ITPR1: variants seen among roughly 807,000 people sequenced by gnomAD.
The protein encoded by ITPR1 is inositol 1,4,5-trisphosphate-gated calcium channel ITPR1.
In ITPR1, 96 loss-of-function variants were observed where a neutral mutation model predicts 318.4. That is an observed-to-expected ratio of 0.30 (90% CI 0.26 to 0.36). ITPR1 has a LOEUF of 0.36. Ranked by LOEUF, ITPR1 falls within the 10% of genes least tolerant of loss-of-function variation. ITPR1 has a pLI of 1.00. For synonymous variants in ITPR1, 1,312 were observed against 1,289.9 expected, an observed-to-expected ratio of 1.02 and a Z score of -0.37; for missense variants, 2,440 against 3,460.2, an observed-to-expected ratio of 0.71 and a Z score of 7.40.
intron 10 of ITPR1, among the ~76,000 whole-genome samples, chr3:4,648,472 T>C (rs1349024703): frequency 6.6e-6 from 1 of 152,224 alleles, no homozygotes; most frequent in African/African-American, 2.4e-5. Context: ...GCTAATTAAA[T>C]ACGCTGGGTA....
chr3:4,625,539 A>T (rs1433515755), intron 4 of ITPR1, among the ~76,000 whole-genome samples: 1 of 151,868 alleles, frequency 6.6e-6, no homozygotes, highest in Non-Finnish European at 1.5e-5. Flanking sequence ...ATCAGTATCC[A>T]CTTCAAGTTC....
chr3:4,611,504 G>A (rs1421333995), intron 4 of ITPR1, among the ~76,000 whole-genome samples: 1 of 151,736 alleles, frequency 6.6e-6, no homozygotes, highest in Admixed American at 6.6e-5. Flanking sequence ...AGGTTGCAGT[G>A]AGCCGAGATC....
intron 2 of ITPR1, among the ~76,000 whole-genome samples, chr3:4,495,923 G>T (rs562866227): frequency 6.6e-5 from 10 of 152,238 alleles, no homozygotes; most frequent in Admixed American, 5.9e-4. Flanking sequence ...TCCCACCAAT[G>T]ATGAAATAAT....
At chr3:4,541,660 T>C (rs2084458286) in intron 4 of ITPR1, among the ~76,000 whole-genome samples, 1 of 151,986 alleles carries the variant, frequency 6.6e-6, no homozygotes, top group Admixed American at 6.6e-5. Flanking sequence ...GGAGTCTCAC[T>C]CTGTTGCCAG....
At chr3:4,719,711 C>T (rs749210127) in intron 40 of ITPR1, among the ~76,000 whole-genome samples, 4 of 152,344 alleles carry the variant, frequency 2.6e-5, no homozygotes, top group Admixed American at 6.5e-5. Flanking sequence ...CCTGTCAGTG[C>T]TCTGAGAAAA....
At chr3:4,494,273 C>T (rs2080379348) in intron 1 of ITPR1, among the ~76,000 whole-genome samples, 158 bp from the exon 2 acceptor site, 1 of 152,264 alleles carries the variant, frequency 6.6e-6, no homozygotes, top group South Asian at 2.1e-4. Flanking sequence ...AATCTTCGCC[C>T]AAGCGATCCC....
chr3:4,802,075 T>C (rs944993649), intron 54 of ITPR1, among the ~76,000 whole-genome samples: 12 of 152,048 alleles, frequency 7.9e-5, no homozygotes, highest in African/African-American at 2.9e-4. Flanking sequence ...TTGATAAATA[T>C]GAGGTGAAAA....
Position 4,706,295 on chromosome 3 carries a change from A to G in ITPR1, c.4786A>G (p.Arg1596Gly), listed in dbSNP as rs2094755659. The change falls in exon 37 of 62, where the codon AGG (arginine) becomes GGG (glycine). Residue 1596 changes from arginine to glycine, a missense_variant. Physicochemically the swap from Arg to Gly is moderately radical, Grantham distance 125. Coordinates refer to ENST00000649015, the MANE Select transcript of ITPR1 (RefSeq NM_001378452.1). ...WRLSARNAAR[R>G]DSVLAASRDY... is the part of the protein sequence containing the mutation. ...GCTCTCAGCCCGCAATGCCGCACGC[A>G]GGGACTCTGTTCTGGCAGCTTCCAG... 1 of 1,614,024 alleles carries G rather than the reference A, an allele frequency of 6.2e-7. No individual in the cohort carries two copies. The highest frequency in any genetic ancestry group is 8.5e-7 in the Non-Finnish European group (1 of 1,179,876).
intron 2 of ITPR1, among the ~76,000 whole-genome samples, chr3:4,496,130 G>A (rs1441860812): frequency 6.6e-6 from 1 of 152,164 alleles, no homozygotes; most frequent in Non-Finnish European, 1.5e-5. Flanking sequence ...AATACATCTT[G>A]ATTGTTTACA....
chr3:4,779,505 C>T lies in ITPR1; in HGVS notation c.6292-45C>T. On this transcript the variant is annotated intron_variant, in intron 48 of 61. Transcript: ENST00000649015. This position sits in a 1 kb window ranked among gnomAD's most constrained non-coding sequence, Gnocchi z 4.0. ...GGCACCTGCATTCAGGCCGGGCCCC[C>T]AAGCAGCCCCTCTACATTTCCTCTC... is the stretch of plus-strand genomic sequence containing the variant. 6.8e-7 allele frequency: 1 copy of T among 1,472,018 alleles called. No homozygotes were observed. The highest frequency in any genetic ancestry group is 2.3e-5 in the East Asian group (1 of 43,808). 91.2% of individuals were successfully genotyped at this position (1,472,018 alleles called of 1,614,324 possible).
chr3:4,558,489 T>A (rs2086359336), intron 4 of ITPR1, among the ~76,000 whole-genome samples: 1 of 152,062 alleles, frequency 6.6e-6, no homozygotes, highest in Non-Finnish European at 1.5e-5. Context: ...CAATAGATGG[T>A]AAGGAATGGA....
chr3:4,603,424 A>G (rs115460386), intron 4 of ITPR1, among the ~76,000 whole-genome samples: 3,965 of 146,076 alleles, frequency 0.027, 74 homozygotes, highest in Middle Eastern at 0.048. Flanking sequence ...TTTCTTTTTT[A>G]TTTTTGGTTT....
At chr3:4,725,504 G>T in intron 40 of ITPR1, 42 bp from the exon 41 acceptor site, 2 of 1,559,042 alleles carry the variant, frequency 1.3e-6, no homozygotes, top group Non-Finnish European at 1.7e-6. Context: ...CCCACGAGAT[G>T]CAAGTGCCAT....
Position 4,581,674 on chromosome 3 carries a change from G to T in ITPR1, c.164-46089G>T, listed in dbSNP as rs2089354930. Reference sequence around the variant, plus strand: ...CAAATGCTCAGAAACCATTTGTGATGCAAAAATGACTGTAGGGGGAACCGT... The same window carrying T: ...CAAATGCTCAGAAACCATTTGTGATTCAAAAATGACTGTAGGGGGAACCGT... On this transcript the variant is annotated intron_variant, in intron 4 of 61. Coordinates refer to ENST00000649015, the MANE Select transcript of ITPR1 (RefSeq NM_001378452.1). Among the ~76,000 whole-genome samples the T allele has an allele frequency of 2.0e-5, 3 of 152,286 alleles. No individual in the cohort carries two copies. The South Asian group carries it at 6.2e-4, about 32-fold the overall frequency.
At chr3:4,846,007 G>A (rs2051748993) in intron 61 of ITPR1, 132 bp from the exon 62 acceptor site, 4 of 518,238 alleles carry the variant, frequency 7.7e-6, no homozygotes, top group Non-Finnish European at 1.0e-5. Context: ...GTTTGATATA[G>A]CGATGGTACA....
intron 44 of ITPR1, among the ~76,000 whole-genome samples, chr3:4,741,601 T>C (rs996093029): frequency 6.6e-6 from 1 of 151,916 alleles, no homozygotes; most frequent in Non-Finnish European, 1.5e-5. Context: ...AAGTGTTAGA[T>C]AGGAAATCTC....
chr3:4,585,836 G>A (rs745325552), intron 4 of ITPR1, among the ~76,000 whole-genome samples: 1 of 152,018 alleles, frequency 6.6e-6, no homozygotes, highest in Non-Finnish European at 1.5e-5. Flanking sequence ...TTGTTACATA[G>A]GTATTCACGT....
chr3:4,586,413 C>G (rs1182819944), intron 4 of ITPR1, among the ~76,000 whole-genome samples: 2 of 152,076 alleles, frequency 1.3e-5, no homozygotes, highest in African/African-American at 4.8e-5. Flanking sequence ...AGTGTTAACC[C>G]TGGTAGTCTG....
intron 4 of ITPR1, among the ~76,000 whole-genome samples, chr3:4,543,545 T>C (rs2084673467): frequency 6.6e-6 from 1 of 152,232 alleles, no homozygotes; most frequent in African/African-American, 2.4e-5. Context: ...TTTGTTCAAG[T>C]GATCCTCTTG....
Sources: gnomAD v4.1 joint callset for allele counts (sites outside exome capture counted in the v4.1 genomes callset) on GRCh38, gnomAD v4.1.1 for gene constraint, Gnocchi (gnomAD v3.1) non-coding constraint, MANE v1.5 for transcripts, NCBI Gene and HGNC (gene_info 2026-07-23, HGNC 2026-07-21) for gene names.